The following NRG3 variants were observed in gnomAD, a reference collection of about 807,000 sequenced individuals.
The protein encoded by NRG3 is pro-neuregulin-3, membrane-bound isoform.
In NRG3, 31 loss-of-function variants were observed where a neutral mutation model predicts 66.9. That is an observed-to-expected ratio of 0.46 (90% CI 0.35 to 0.63). The LOEUF (loss-of-function observed/expected upper bound fraction) is 0.63. Among genes scored for constraint, NRG3 ranks in the 20% least tolerant of loss-of-function variants. NRG3 has a pLI of 0.00. For missense variants in NRG3, 910 were observed against 878.9 expected (o/e 1.04, Z -0.45); for synonymous variants, 393 against 359.4 (o/e 1.09, Z -1.06).
intron 1 of NRG3, among the ~76,000 whole-genome samples, chr10:82,334,297 C>T (rs1297709109): frequency 1.3e-5 from 2 of 152,158 alleles, no homozygotes; most frequent in East Asian, 3.9e-4. Flanking sequence ...ACGTTTTCCT[C>T]GAAGCATGGA....
chr10:82,248,605 A>T (rs1436167591), intron 1 of NRG3, among the ~76,000 whole-genome samples: 4 of 152,170 alleles, frequency 2.6e-5, no homozygotes, highest in African/African-American at 9.7e-5. Context: ...GGAGGGGTCA[A>T]TATGTTACTA....
chr10:82,782,125 T>C (rs2060141383), intron 3 of NRG3, among the ~76,000 whole-genome samples: 2 of 152,180 alleles, frequency 1.3e-5, no homozygotes, highest in Admixed American at 1.3e-4. Context: ...ATGGTTTGAA[T>C]TTATCCCCAA....
intron 2 of NRG3, among the ~76,000 whole-genome samples, chr10:82,367,360 A>C (rs922287237): frequency 6.6e-6 from 1 of 152,182 alleles, no homozygotes; most frequent in African/African-American, 2.4e-5. Flanking sequence ...CCTTATAATG[A>C]GAGTGCTAGC....
intron 1 of NRG3, among the ~76,000 whole-genome samples, chr10:82,231,561 G>T (rs1764097): frequency 2.0e-5 from 3 of 151,398 alleles, no homozygotes; most frequent in Middle Eastern, 3.2e-3. Flanking sequence ...ATTAATAAAC[G>T]CATTATTTAT....
chr10:81,895,730 TTCTAAGATACCTGAACTTGCTGGA>T (rs778460775), intron 1 of NRG3, among the ~76,000 whole-genome samples: 12 of 152,176 alleles, frequency 7.9e-5, no homozygotes, highest in Non-Finnish European at 1.2e-4. Flanking sequence ...GTTTTGCTTC[TTCTAAGATACCTGAACTTGCTGGA>T]GTGAGCCTCC....
intron 2 of NRG3, among the ~76,000 whole-genome samples, chr10:82,596,201 C>T (rs1319616382): frequency 6.6e-6 from 1 of 152,106 alleles, no homozygotes; most frequent in African/African-American, 2.4e-5. Context: ...GACAAAGACC[C>T]GGTAGCCGCT....
intron 3 of NRG3, among the ~76,000 whole-genome samples, chr10:82,772,438 ATC>A (rs1388206052): frequency 6.6e-6 from 1 of 152,040 alleles, no homozygotes; most frequent in African/African-American, 2.4e-5. Flanking sequence ...AATCCTATAT[ATC>A]TGTCACTTTG....
chr10:82,733,962 G>C (rs1180395281), intron 2 of NRG3, among the ~76,000 whole-genome samples: 1 of 152,180 alleles, frequency 6.6e-6, no homozygotes, highest in Non-Finnish European at 1.5e-5. Context: ...ACTTTTAGCT[G>C]GCCAAAAGAT....
chr10:82,282,184 A>C (rs906504735), intron 1 of NRG3, among the ~76,000 whole-genome samples: 3 of 152,198 alleles, frequency 2.0e-5, no homozygotes, highest in African/African-American at 7.2e-5. Flanking sequence ...TTTTTCTAGA[A>C]GTGGACACAT....
chr10:82,151,382 T>C (rs1053848366), intron 1 of NRG3, among the ~76,000 whole-genome samples: 2 of 152,214 alleles, frequency 1.3e-5, no homozygotes, highest in African/African-American at 4.8e-5. Flanking sequence ...TTTCTAATCA[T>C]TGAAATCTTA....
intron 1 of NRG3, among the ~76,000 whole-genome samples, chr10:82,211,488 C>G (rs563770475): frequency 6.6e-6 from 1 of 152,066 alleles, no homozygotes; most frequent in Admixed American, 6.6e-5. Flanking sequence ...TCTGGGGAGT[C>G]GAAAGGCATC....
At chr10:82,491,290 T>TG in intron 2 of NRG3, among the ~76,000 whole-genome samples, 3 of 34,164 alleles carry the variant, frequency 8.8e-5, no homozygotes, top group African/African-American at 1.9e-4. Flanking sequence ...GCTGTTCCCA[T>TG]AAAATATATA....
intron 2 of NRG3, among the ~76,000 whole-genome samples, chr10:82,596,176 A>G (rs922443026): frequency 1.3e-5 from 2 of 152,200 alleles, no homozygotes; most frequent in East Asian, 3.9e-4. Flanking sequence ...AGAGAGTCTC[A>G]TACAATCAGT....
intron 1 of NRG3, among the ~76,000 whole-genome samples, chr10:82,276,869 C>A (rs756978519): frequency 4.6e-5 from 7 of 151,918 alleles, no homozygotes; most frequent in Non-Finnish European, 1.0e-4. Context: ...ACTTATCAAA[C>A]CTTAAAATGT....
At chr10:82,181,272 T>C (rs1350097916) in intron 1 of NRG3, among the ~76,000 whole-genome samples, 2 of 151,886 alleles carry the variant, frequency 1.3e-5, no homozygotes, top group South Asian at 2.1e-4. Flanking sequence ...TTCATTATTT[T>C]CTCCTTTCTG....
At chr10:81,996,560 AT>A (rs2060947811) in intron 1 of NRG3, among the ~76,000 whole-genome samples, 1 of 152,204 alleles carries the variant, frequency 6.6e-6, no homozygotes, top group African/African-American at 2.4e-5. Flanking sequence ...TTTATTTCAC[AT>A]ATCCATGATG....
At chr10:82,113,486 TCTGA>T (rs1439797474) in intron 1 of NRG3, among the ~76,000 whole-genome samples, 1 of 152,196 alleles carries the variant, frequency 6.6e-6, no homozygotes, top group Non-Finnish European at 1.5e-5. Flanking sequence ...ACTGCTGATA[TCTGA>T]CTATTTTTAC....
rs537992941 is a variant in NRG3, at chr10:82,099,153, TA to T, written c.823+222998del. On this transcript the variant is annotated intron_variant, in intron 1 of 8. Transcript: ENST00000372141. ...TGGATTATGGTTTTGCTGTTCTGTA[TA>T]AAAAAAACTTTGCCTAACTTACTGT... Among the ~76,000 whole-genome samples the T allele has an allele frequency of 6.1e-4, 93 of 152,188 alleles. 1 individual carries two copies. Among genetic ancestry groups the T allele is most frequent in the South Asian group, 5.6e-3 (27 of 4,822 alleles).
chr10:82,982,630 A>G (rs1412779147), intron 8 of NRG3, among the ~76,000 whole-genome samples: 1 of 152,208 alleles, frequency 6.6e-6, no homozygotes, highest in Non-Finnish European at 1.5e-5. Flanking sequence ...ATTAGTCCTC[A>G]GAAAAATTTC....
Sources: allele counts gnomAD v4.1 joint callset (sites outside exome capture counted in the v4.1 genomes callset), GRCh38; gene constraint gnomAD v4.1.1; transcripts MANE v1.5; gene names NCBI Gene and HGNC (gene_info 2026-07-23, HGNC 2026-07-21).